C12orf42: variants seen among roughly 807,000 people sequenced by gnomAD.
C12orf42 encodes chromosome 12 open reading frame 42.
In C12orf42, 25 loss-of-function variants were observed where a neutral mutation model predicts 21.6. The ratio of observed to expected loss-of-function variants is 1.16; its 90% confidence interval spans 0.84 to 1.62. C12orf42 has a LOEUF of 1.62. C12orf42 is among the 40% of genes most tolerant of loss of function. The probability of loss-of-function intolerance (pLI) is 0.00; values close to 1 mark genes in which losing one functional copy is unlikely to be tolerated. For missense variants in C12orf42, 483 were observed against 459.3 expected, an observed-to-expected ratio of 1.05 and a Z score of -0.47; for synonymous variants, 174 against 175.0, an observed-to-expected ratio of 0.99 and a Z score of 0.05.
At chr12:103,200,967 C>G in the C12orf42 span, among the ~76,000 whole-genome samples, 1 of 152,154 alleles carries the variant, frequency 6.6e-6, no homozygotes, top group Admixed American at 6.5e-5. Flanking sequence ...TCTTGGAAAG[C>G]AATTTCTGCA....
chr12:103,477,799 G>C (rs532737406), intron 2 of C12orf42: 1 of 152,722 alleles, frequency 6.5e-6, no homozygotes, highest in Non-Finnish European at 1.5e-5. Flanking sequence ...AGTGAGCCCT[G>C]TTTCAGACTT....
chr12:103,255,774 G>A (rs1467358097), intron 10 of C12orf42, among the ~76,000 whole-genome samples: 2 of 151,362 alleles, frequency 1.3e-5, no homozygotes, highest in South Asian at 4.2e-4. Context: ...ATATATGGCC[G>A]GGCGCGATGG....
At chr12:103,295,349 T>C (rs2037185006) in intron 4 of C12orf42, among the ~76,000 whole-genome samples, 1 of 152,064 alleles carries the variant, frequency 6.6e-6, no homozygotes, top group Admixed American at 6.6e-5. Context: ...TGTACCCCAA[T>C]CTGAACTTTT....
chr12:103,225,863 C>T, the C12orf42 span, among the ~76,000 whole-genome samples: 4 of 152,104 alleles, frequency 2.6e-5, no homozygotes, highest in African/African-American at 9.7e-5. Context: ...ATGGGCTTAC[C>T]TTCCACTGTG....
chr12:103,204,029 C>A, the C12orf42 span, among the ~76,000 whole-genome samples: 2 of 152,170 alleles, frequency 1.3e-5, no homozygotes, highest in Non-Finnish European at 2.9e-5. Context: ...CTGGCAAAAC[C>A]AGCAAGATGT....
At chr12:103,488,180 G>A (rs1593012341) in intron 1 of C12orf42, among the ~76,000 whole-genome samples, 1 of 152,156 alleles carries the variant, frequency 6.6e-6, no homozygotes, top group Non-Finnish European at 1.5e-5. Flanking sequence ...GCATTTGCTT[G>A]TCTGTAAAGG....
At chr12:103,260,740 T>C (rs995191062) in intron 10 of C12orf42, among the ~76,000 whole-genome samples, 1 of 152,238 alleles carries the variant, frequency 6.6e-6, no homozygotes, top group Non-Finnish European at 1.5e-5. Flanking sequence ...AGGCATACCA[T>C]GCAAATGCAT....
chr12:103,288,919 T>C (rs1375957364), intron 4 of C12orf42, among the ~76,000 whole-genome samples: 1 of 152,204 alleles, frequency 6.6e-6, no homozygotes, highest in Non-Finnish European at 1.5e-5. Flanking sequence ...AAATCACTCA[T>C]TGCAAGGAGC....
the C12orf42 span, among the ~76,000 whole-genome samples, chr12:103,176,777 C>G: frequency 3.9e-5 from 6 of 152,164 alleles, no homozygotes; most frequent in East Asian, 1.2e-3. Context: ...ATCTGGCAAC[C>G]ACATAGGAAA....
chr12:103,280,769 C>T (rs553268898), intron 4 of C12orf42, among the ~76,000 whole-genome samples: 5 of 152,202 alleles, frequency 3.3e-5, no homozygotes, highest in African/African-American at 1.2e-4. Flanking sequence ...CCAAGGTTTT[C>T]CCACTTAGTC....
the C12orf42 span, among the ~76,000 whole-genome samples, chr12:103,507,032 AT>A: frequency 4.7e-4 from 6 of 12,640 alleles, no homozygotes; most frequent in Admixed American, 3.7e-3. Flanking sequence ...TTTATATATA[AT>A]ATATATATTT....
chr12:103,073,928 T>G, the C12orf42 span, among the ~76,000 whole-genome samples: 1 of 152,072 alleles, frequency 6.6e-6, no homozygotes, highest in African/African-American at 2.4e-5. Context: ...GTTAACATAT[T>G]TGCCTGAGGT....
At chr12:103,121,520 A>G in the C12orf42 span, among the ~76,000 whole-genome samples, 4 of 152,216 alleles carry the variant, frequency 2.6e-5, no homozygotes, top group African/African-American at 9.6e-5. Context: ...TTTCTGTGCC[A>G]TTTGGGCATG....
rs190395070 is a variant in C12orf42, at chr12:103,339,147, G to T, written c.259+29740C>A. On this transcript the variant is annotated intron_variant, in intron 4 of 5. Coordinates refer to ENST00000548883, the MANE Select transcript of C12orf42 (RefSeq NM_198521.5). ...AGACATAAATATTATTTGCATTTGG[G>T]CTCTCAAAGGCAGGATGACATATTA... is the stretch of plus-strand genomic sequence containing the variant. Among the ~76,000 whole-genome samples the T allele has an allele frequency of 2.1e-3, 319 of 152,128 alleles. 1 individual carries two copies. Among genetic ancestry groups the T allele is most frequent in the African/African-American group, 7.3e-3 (302 of 41,478 alleles).
At chr12:103,374,437 A>G (rs1278654928) in intron 3 of C12orf42, among the ~76,000 whole-genome samples, 1 of 152,088 alleles carries the variant, frequency 6.6e-6, no homozygotes, top group Non-Finnish European at 1.5e-5. Context: ...CAGCTATTTC[A>G]CCAGCATGAG....
At chr12:103,068,858 A>G in the C12orf42 span, among the ~76,000 whole-genome samples, 3 of 144,766 alleles carry the variant, frequency 2.1e-5, no homozygotes, top group Admixed American at 1.4e-4. Flanking sequence ...TTAATACTAC[A>G]TAATAAACTC....
chr12:103,196,386 A>G, the C12orf42 span, among the ~76,000 whole-genome samples: 1 of 152,186 alleles, frequency 6.6e-6, no homozygotes, highest in South Asian at 2.1e-4. Context: ...TACACCACGT[A>G]CAGATGAGAA....
the C12orf42 span, among the ~76,000 whole-genome samples, chr12:103,513,863 A>AG: frequency 6.6e-6 from 1 of 152,224 alleles, no homozygotes; most frequent in Non-Finnish European, 1.5e-5. Flanking sequence ...AAAAAAAAAA[A>AG]CAAGTATATG....
chr12:103,483,272 G>T (rs536760034), intron 1 of C12orf42, among the ~76,000 whole-genome samples: 1 of 152,236 alleles, frequency 6.6e-6, no homozygotes, highest in Admixed American at 6.5e-5. Flanking sequence ...CTTGGATTGG[G>T]TTGTTGATAA....
Sources: gnomAD v4.1 joint callset for allele counts (sites outside exome capture counted in the v4.1 genomes callset) on GRCh38, gnomAD v4.1.1 for gene constraint, MANE v1.5 for transcripts, NCBI Gene and HGNC (gene_info 2026-07-23, HGNC 2026-07-21) for gene names.